IGF2BP2: variants seen among roughly 807,000 people sequenced by gnomAD.
The protein encoded by IGF2BP2 is insulin-like growth factor 2 mRNA-binding protein 2.
A neutral mutation model predicts 75.8 loss-of-function variants in IGF2BP2; 17 were observed. The ratio of observed to expected loss-of-function variants is 0.22; its 90% CI spans 0.15 to 0.34. The LOEUF is 0.34. Among genes scored for constraint, IGF2BP2 ranks in the 10% least tolerant of loss-of-function variants. The pLI, the probability that IGF2BP2 is intolerant of heterozygous loss-of-function variation, is 1.00. For synonymous variants in IGF2BP2, 288 were observed against 295.6 expected, an observed-to-expected ratio of 0.97 and a Z score of 0.26; for missense variants, 516 against 772.4, an observed-to-expected ratio of 0.67 and a Z score of 3.93.
intron 7 of IGF2BP2, among the ~76,000 whole-genome samples, chr3:185,682,563 A>C (rs1229174315): frequency 6.6e-6 from 1 of 152,228 alleles, no homozygotes; most frequent in Admixed American, 6.5e-5. Context: ...AGAATACATA[A>C]AGGACTCCTG....
intron 2 of IGF2BP2, among the ~76,000 whole-genome samples, chr3:185,751,197 T>G (rs921485270): frequency 1.3e-5 from 2 of 152,144 alleles, no homozygotes; most frequent in African/African-American, 2.4e-5. Context: ...AAAAATTGCT[T>G]CAAGTAACAT....
intron 2 of IGF2BP2, among the ~76,000 whole-genome samples, chr3:185,748,995 C>T (rs1730619017): frequency 6.6e-6 from 1 of 152,056 alleles, no homozygotes; most frequent in Non-Finnish European, 1.5e-5. Context: ...GAAATCCCAT[C>T]TCTACTAAAA....
At chr3:185,785,464 T>A (rs1392691168) in intron 2 of IGF2BP2, among the ~76,000 whole-genome samples, 2 of 152,088 alleles carry the variant, frequency 1.3e-5, no homozygotes, top group African/African-American at 4.8e-5. Context: ...GAAGCATCTG[T>A]CTGATATATC....
At chr3:185,683,237 T>G (rs896012150) in intron 7 of IGF2BP2, among the ~76,000 whole-genome samples, 1 of 152,090 alleles carries the variant, frequency 6.6e-6, no homozygotes, top group African/African-American at 2.4e-5. Context: ...TGTAGAGTAG[T>G]CAAATTCATA....
In IGF2BP2 at chr3:185,687,046, T is replaced by C. The variant is rs1344542681; in HGVS notation, c.812+11A>G. 6.2e-7 allele frequency: 1 copy of C among 1,611,044 alleles called. No homozygotes were observed. ...TCTGTTGAGTGATCTGGGCATTGCA[T>C]GCAAACTTACAGTTTGGTCTCATCT... On this transcript the variant is annotated intron_variant, in intron 7 of 15. Transcript: ENST00000382199.
intron 10 of IGF2BP2, 89 bp downstream of exon 10, chr3:185,672,452 G>T: frequency 2.3e-6 from 3 of 1,315,702 alleles, no homozygotes; most frequent in Non-Finnish European, 3.1e-6. Context: ...TTAAATGAAA[G>T]CTTCCGTTCT....
chr3:185,753,339 G>A (rs951929442), intron 2 of IGF2BP2, among the ~76,000 whole-genome samples: 2 of 152,122 alleles, frequency 1.3e-5, no homozygotes, highest in African/African-American at 4.8e-5. Context: ...TGTGTCTTCT[G>A]CTTCTCGTTT....
intron 6 of IGF2BP2, among the ~76,000 whole-genome samples, chr3:185,687,954 C>T (rs906067222): frequency 3.3e-5 from 5 of 151,998 alleles, no homozygotes; most frequent in East Asian, 1.9e-4. Flanking sequence ...CCACCTTACA[C>T]AATTTTTGCA....
chr3:185,671,413 T>C (rs1438244620), intron 10 of IGF2BP2, among the ~76,000 whole-genome samples: 1 of 151,682 alleles, frequency 6.6e-6, no homozygotes, highest in Non-Finnish European at 1.5e-5. Flanking sequence ...GATGCATGCC[T>C]GTAATCCCAG....
intron 2 of IGF2BP2, among the ~76,000 whole-genome samples, chr3:185,700,730 C>T (rs985499224): frequency 7.2e-5 from 11 of 152,068 alleles, no homozygotes; most frequent in Non-Finnish European, 1.3e-4. Flanking sequence ...AAGAAACTCA[C>T]GAATGAGCAC....
intron 2 of IGF2BP2, chr3:185,716,434 T>C (rs758555273): frequency 9.8e-6 from 5 of 510,264 alleles, no homozygotes; most frequent in African/African-American, 1.9e-5. Flanking sequence ...CCTCTTTCCA[T>C]ATTCAGCAGA....
At chr3:185,749,395 C>T (rs1730671245) in intron 2 of IGF2BP2, among the ~76,000 whole-genome samples, 1 of 152,330 alleles carries the variant, frequency 6.6e-6, no homozygotes, top group South Asian at 2.1e-4. Flanking sequence ...AATTAAAATA[C>T]ACAATCAATT....
intron 7 of IGF2BP2, among the ~76,000 whole-genome samples, chr3:185,676,372 G>A (rs1577925177): frequency 1.3e-5 from 2 of 152,078 alleles, no homozygotes; most frequent in Non-Finnish European, 1.5e-5. Context: ...TATGAAGTCC[G>A]CTGTAAACTA....
intron 10 of IGF2BP2, among the ~76,000 whole-genome samples, chr3:185,665,387 AGAAGGAGGAGGAG>A (rs1717264233): frequency 7.1e-6 from 1 of 141,476 alleles, no homozygotes; most frequent in African/African-American, 2.6e-5. Context: ...GAGGAGGAGG[AGAAGGAGGAGGAG>A]GAGAAGGAAA....
At chr3:185,824,099 T>C (rs1486635590) in intron 1 of IGF2BP2, among the ~76,000 whole-genome samples, 1 of 151,540 alleles carries the variant, frequency 6.6e-6, no homozygotes, top group Non-Finnish European at 1.5e-5. Flanking sequence ...ATAGGAGCGC[T>C]TGAGAGAGCA....
chr3:185,824,973 C>T lies in IGF2BP2; in HGVS notation c.-13G>A, dbSNP rs747706997. On this transcript the variant is annotated 5_prime_UTR_variant, in exon 1 of 16. Transcript: ENST00000382199. Reference sequence around the variant, plus strand: ...GCTTGTTCATCATCCGTCTCTTCCCCGAGAGCCCGCGGCTCCCCCGGCCCG... The same window carrying T: ...GCTTGTTCATCATCCGTCTCTTCCCTGAGAGCCCGCGGCTCCCCCGGCCCG... 1 of 1,489,866 alleles carries T rather than the reference C, an allele frequency of 6.7e-7. No homozygotes were observed. The highest frequency in any genetic ancestry group is 2.7e-5 in the East Asian group (1 of 37,296). The allele number at this position is 1,489,866 out of a possible 1,614,324, so 92.3% of individuals were successfully genotyped here.
At chr3:185,704,235 T>C (rs901166326) in intron 2 of IGF2BP2, among the ~76,000 whole-genome samples, 3 of 152,176 alleles carry the variant, frequency 2.0e-5, no homozygotes, top group African/African-American at 4.8e-5. Context: ...CCACCAGCGC[T>C]CCCAGCCCTC....
intron 2 of IGF2BP2, among the ~76,000 whole-genome samples, chr3:185,784,216 CAG>C (rs1418918760): frequency 2.0e-5 from 3 of 152,126 alleles, no homozygotes; most frequent in Admixed American, 2.0e-4. Flanking sequence ...GCCTGGGCGA[CAG>C]AGTGAGACTT....
At chr3:185,698,183 G>A in intron 3 of IGF2BP2, 116 bp downstream of exon 3, 1 of 834,056 alleles carries the variant, frequency 1.2e-6, no homozygotes, top group Non-Finnish European at 2.0e-6. Context: ...AAAAGAAAGA[G>A]GCAGGACCCA....
Sources: allele counts gnomAD v4.1 joint callset (sites outside exome capture counted in the v4.1 genomes callset), GRCh38; gene constraint gnomAD v4.1.1; transcripts MANE v1.5; gene names NCBI Gene and HGNC (gene_info 2026-07-23, HGNC 2026-07-21).